CCDC77: variants seen among roughly 807,000 people sequenced by gnomAD.
The protein encoded by CCDC77 is coiled-coil domain-containing protein 77.
Under a neutral mutation model 66.8 loss-of-function variants are expected in CCDC77, and 56 were observed. The ratio of observed to expected loss-of-function variants is 0.84; its 90% confidence interval spans 0.68 to 1.05. The LOEUF (loss-of-function observed/expected upper bound fraction) is 1.05. CCDC77 is among the 50% of genes least tolerant of loss of function. The pLI is 0.00. For synonymous variants in CCDC77, 196 were observed against 195.2 expected, an observed-to-expected ratio of 1.00 and a Z score of -0.03; for missense variants, 570 against 576.8, an observed-to-expected ratio of 0.99 and a Z score of 0.12.
intron 8 of CCDC77, 97 bp downstream of exon 8, chr12:432,051 A>T: frequency 1.4e-6 from 1 of 709,628 alleles, no homozygotes; most frequent in South Asian, 1.7e-5. Flanking sequence ...ATCTCCTTGC[A>T]CACAGGTTAC....
chr12:422,678 T>G (rs1035963001), intron 5 of CCDC77, among the ~76,000 whole-genome samples: 8 of 152,372 alleles, frequency 5.3e-5, no homozygotes, highest in Admixed American at 5.2e-4. Context: ...CCAGTGGAGC[T>G]CAGCTCACTG....
intron 3 of CCDC77, among the ~76,000 whole-genome samples, chr12:410,641 G>A (rs190822583): frequency 1.4e-4 from 19 of 138,048 alleles, no homozygotes; most frequent in Non-Finnish European, 2.7e-4. Context: ...TGCCTCCTGC[G>A]TTCAAGCAAT....
chr12:414,647 C>T, intron 4 of CCDC77, among the ~76,000 whole-genome samples: 1 of 152,188 alleles, frequency 6.6e-6, no homozygotes, highest in South Asian at 2.1e-4. Flanking sequence ...GTACTGCCAC[C>T]ATTTCGCCTT....
Position 442,598 on chromosome 12 carries a change from A to G in CCDC77, c.*678A>G, listed in dbSNP as rs974720143. The G allele has an allele frequency of 7.9e-5, 12 of 152,210 alleles. No homozygotes were observed. The highest frequency in any genetic ancestry group is 2.9e-4 in the African/African-American group (12 of 41,452). The allele number at this position is 152,210 out of a possible 1,614,324, so 9.4% of individuals were successfully genotyped here. A position where few individuals can be genotyped will look rare whatever the true frequency, so the allele number is the denominator to read the frequency against. ...TCACATGGCTTTTGAAAAATGATGTATATATTTTAAATTAACTATTTTCAA... is the reference window on the plus strand; with the variant it reads ...TCACATGGCTTTTGAAAAATGATGTGTATATTTTAAATTAACTATTTTCAA... On this transcript the variant is annotated 3_prime_UTR_variant, in exon 13 of 13. Coordinates refer to ENST00000239830, the MANE Select transcript of CCDC77 (RefSeq NM_032358.4).
At chr12:408,110 A>G (rs1440309292) in intron 2 of CCDC77, among the ~76,000 whole-genome samples, 4 of 152,056 alleles carry the variant, frequency 2.6e-5, no homozygotes, top group African/African-American at 4.8e-5. Context: ...TTTTAAATAG[A>G]TTATACCAGG....
At chr12:418,192 AC>A (rs1404451558) in intron 4 of CCDC77, among the ~76,000 whole-genome samples, 1 of 152,080 alleles carries the variant, frequency 6.6e-6, no homozygotes, top group Non-Finnish European at 1.5e-5. Context: ...GGTGGCATGC[AC>A]CTGTAATCTC....
chr12:399,758 C>G (rs1166471440), upstream of CCDC77, among the ~76,000 whole-genome samples: 1 of 152,166 alleles, frequency 6.6e-6, no homozygotes, highest in Non-Finnish European at 1.5e-5. Flanking sequence ...TTTTGTTGTT[C>G]CATTTATAGA....
At chr12:421,500 G>C (rs1945393439) in intron 5 of CCDC77, among the ~76,000 whole-genome samples, 1 of 17,992 alleles carries the variant, frequency 5.6e-5, no homozygotes, top group African/African-American at 7.6e-4. Flanking sequence ...GTGCTCTTCT[G>C]TGTGTGTGTG....
intron 2 of CCDC77, among the ~76,000 whole-genome samples, chr12:408,726 C>A (rs1171998506): frequency 2.0e-5 from 3 of 152,168 alleles, no homozygotes; most frequent in Admixed American, 1.3e-4. Flanking sequence ...TATCCTATAA[C>A]TTCAAGGAAA....
chr12:416,359 G>GTATATA (rs1945268062), intron 4 of CCDC77, among the ~76,000 whole-genome samples: 2 of 43,518 alleles, frequency 4.6e-5, no homozygotes, highest in African/African-American at 1.8e-4. Flanking sequence ...GTGTGTGTGT[G>GTATATA]TGTGTGTGTG....
intron 3 of CCDC77, among the ~76,000 whole-genome samples, chr12:410,869 A>C (rs1033563505): frequency 6.6e-6 from 1 of 151,966 alleles, no homozygotes; most frequent in African/African-American, 2.4e-5. Context: ...ATGGTACTAC[A>C]TTTTCTAATT....
At chr12:411,236 T>C (rs1019079048) in intron 3 of CCDC77, among the ~76,000 whole-genome samples, 31 of 152,102 alleles carry the variant, frequency 2.0e-4, no homozygotes, top group Admixed American at 1.7e-3. Flanking sequence ...TGCAATGGCA[T>C]GATCTCGACT....
chr12:403,959 A>G (rs779544837), intron 1 of CCDC77, among the ~76,000 whole-genome samples: 9 of 152,170 alleles, frequency 5.9e-5, no homozygotes, highest in Non-Finnish European at 8.8e-5. Context: ...AAATTTTGGT[A>G]AAGACAGGGT....
At chr12:400,323 T>C (rs1170309810), upstream of CCDC77, among the ~76,000 whole-genome samples, 6 of 152,232 alleles carry the variant, frequency 3.9e-5, no homozygotes. Flanking sequence ...TTTCTTATCA[T>C]TTTTGTGTTT....
At chr12:422,536 T>G (rs1291651544) in intron 5 of CCDC77, among the ~76,000 whole-genome samples, 1 of 152,262 alleles carries the variant, frequency 6.6e-6, no homozygotes, top group African/African-American at 2.4e-5. Context: ...GTATTTGTTA[T>G]GCTTATTTCA....
intron 5 of CCDC77, among the ~76,000 whole-genome samples, chr12:424,194 C>T (rs562129116): frequency 6.6e-6 from 1 of 152,256 alleles, no homozygotes; most frequent in East Asian, 1.9e-4. Context: ...TGGTCTCAAA[C>T]TCCTGAGCTC....
At chr12:441,669 A>C in intron 12 of CCDC77, 105 bp from the exon 13 acceptor site, 1 of 1,233,490 alleles carries the variant, frequency 8.1e-7, no homozygotes, top group Non-Finnish European at 1.1e-6. Flanking sequence ...ATGTACTCAA[A>C]ATCTCACAAA....
intron 1 of CCDC77, chr12:390,120 C>CAAAAAAAAAAAAAAAA (rs11330348): frequency 1.4e-5 from 1 of 73,404 alleles, no homozygotes; most frequent in Non-Finnish European, 2.6e-5. Flanking sequence ...GTTGCCTGAG[C>CAAAAAAAAAAAAAAAA]AAAAAAAAAA....
chr12:418,838 A>G, intron 5 of CCDC77: 2 of 554,062 alleles, frequency 3.6e-6, no homozygotes, highest in South Asian at 4.1e-5. Flanking sequence ...AGCTGGGAAC[A>G]CAGGTGTGCA....
Sources: allele counts gnomAD v4.1 joint callset (sites outside exome capture counted in the v4.1 genomes callset), GRCh38; gene constraint gnomAD v4.1.1; transcripts MANE v1.5; gene names NCBI Gene and HGNC (gene_info 2026-07-23, HGNC 2026-07-21).